PRSS3: variants seen among roughly 807,000 people sequenced by gnomAD.
PRSS3 encodes trypsin-3.
PRSS3 carries 14 observed loss-of-function variants against 20.8 expected under a neutral mutation model. The observed-to-expected ratio is 0.67, with a 90% CI of 0.44 to 1.05. PRSS3 has a LOEUF of 1.05. PRSS3 is among the 50% of genes least tolerant of loss of function. PRSS3 has a pLI of 0.00. For missense variants in PRSS3, 237 were observed against 306.4 expected, an observed-to-expected ratio of 0.77 and a Z score of 1.69; for synonymous variants, 91 against 117.6, an observed-to-expected ratio of 0.77 and a Z score of 1.46.
At chr9:33,781,452 CACTT>C (rs1484114320) in intron 1 of PRSS3, among the ~76,000 whole-genome samples, 1 of 152,180 alleles carries the variant, frequency 6.6e-6, no homozygotes, top group African/African-American at 2.4e-5. Context: ...TACATGTTCT[CACTT>C]ACAAGTGGGA....
intron 1 of PRSS3, among the ~76,000 whole-genome samples, chr9:33,761,176 T>C (rs1012845811): frequency 1.3e-5 from 2 of 152,192 alleles, no homozygotes; most frequent in Non-Finnish European, 2.9e-5. Context: ...CATCCTAGAG[T>C]GTACTTATAC....
chr9:33,772,790 G>C (rs1187636574), intron 1 of PRSS3, among the ~76,000 whole-genome samples: 3 of 152,186 alleles, frequency 2.0e-5, no homozygotes, highest in Non-Finnish European at 2.9e-5. Flanking sequence ...TATATATTTT[G>C]TGTCTGCCGC....
intron 1 of PRSS3, among the ~76,000 whole-genome samples, chr9:33,776,389 A>T (rs941005979): frequency 7.2e-5 from 11 of 152,204 alleles, no homozygotes; most frequent in African/African-American, 2.2e-4. Flanking sequence ...AGATTTTTTT[A>T]AAAAAAGCTC....
intron 1 of PRSS3, among the ~76,000 whole-genome samples, chr9:33,755,576 A>G (rs889877192): frequency 6.6e-6 from 1 of 152,118 alleles, no homozygotes; most frequent in African/African-American, 2.4e-5. Flanking sequence ...TTATATCCTA[A>G]ATTTTTGATA....
At chr9:33,786,420 G>A (rs1160837308) in intron 1 of PRSS3, 1 of 676,602 alleles carries the variant, frequency 1.5e-6, no homozygotes, top group Non-Finnish European at 2.6e-6. Flanking sequence ...AAAGGAGGCA[G>A]TGCCCTGGGG....
upstream of PRSS3, among the ~76,000 whole-genome samples, chr9:33,791,521 A>G (rs1453441844): frequency 6.6e-6 from 1 of 152,248 alleles, no homozygotes; most frequent in Admixed American, 6.5e-5. Flanking sequence ...AGCTAGTATA[A>G]TTTAGAAAAA....
rs939468072 is a variant in PRSS3 at position 33,780,926 on chromosome 9, G to A, written c.-52-13820G>A. On this transcript the variant is annotated intron_variant, in intron 1 of 5. Transcript: ENST00000342836. ...TATGAAAAGATTTAGACAACCAGACGATAATAGTGGGAAATTTCAACACTC... is the reference window on the plus strand; with the variant it reads ...TATGAAAAGATTTAGACAACCAGACAATAATAGTGGGAAATTTCAACACTC... Among the ~76,000 whole-genome samples, 4 of 152,100 alleles carry A rather than the reference G, an allele frequency of 2.6e-5. No individual in the cohort carries two copies. In the South Asian group the frequency reaches 8.3e-4, roughly 31 times the overall value.
chr9:33,776,550 G>T (rs1823941289), intron 1 of PRSS3, among the ~76,000 whole-genome samples: 1 of 152,128 alleles, frequency 6.6e-6, no homozygotes, highest in Non-Finnish European at 1.5e-5. Flanking sequence ...CAATGGAACA[G>T]AATTGAAATC....
intron 1 of PRSS3, among the ~76,000 whole-genome samples, chr9:33,761,272 GA>G (rs747089997): frequency 5.3e-5 from 8 of 152,348 alleles, no homozygotes; most frequent in Admixed American, 2.0e-4. Flanking sequence ...AGCAGATGCT[GA>G]AGGGAGTCTG....
intron 1 of PRSS3, among the ~76,000 whole-genome samples, chr9:33,789,869 C>A (rs1298090571): frequency 6.6e-6 from 1 of 152,158 alleles, no homozygotes; most frequent in Non-Finnish European, 1.5e-5. Context: ...TCTTCTTTAA[C>A]ACTAGGTGTA....
intron 1 of PRSS3, among the ~76,000 whole-genome samples, chr9:33,753,261 C>G (rs1479112633): frequency 6.6e-6 from 1 of 152,172 alleles, no homozygotes; most frequent in African/African-American, 2.4e-5. Context: ...TATTTCATGT[C>G]CATCTTTGTT....
At chr9:33,787,873 C>T (rs3843935) in intron 1 of PRSS3, among the ~76,000 whole-genome samples, 57,658 of 151,986 alleles carry the variant, frequency 0.38, 11,032 homozygotes, top group Middle Eastern at 0.48. Flanking sequence ...ACAAATTACA[C>T]GAAGAGTGTT....
chr9:33,795,291 G>A (rs1048272558), upstream of PRSS3, among the ~76,000 whole-genome samples: 2 of 151,744 alleles, frequency 1.3e-5, no homozygotes, highest in East Asian at 1.9e-4. Flanking sequence ...TGTGTGATCC[G>A]GGGATTGGTT....
At chr9:33,791,140 T>C (rs1367687330), upstream of PRSS3, among the ~76,000 whole-genome samples, 1 of 152,242 alleles carries the variant, frequency 6.6e-6, no homozygotes, top group African/African-American at 2.4e-5. Flanking sequence ...TAACAAGCTT[T>C]GTATTTGAAT....
chr9:33,759,665 A>G (rs984790438), intron 1 of PRSS3, among the ~76,000 whole-genome samples: 6 of 152,150 alleles, frequency 3.9e-5, no homozygotes, highest in African/African-American at 1.4e-4. Flanking sequence ...AAACATCTGT[A>G]TGTTTATGTG....
upstream of PRSS3, among the ~76,000 whole-genome samples, chr9:33,793,074 A>G (rs537836675): frequency 2.4e-4 from 36 of 152,386 alleles, no homozygotes; most frequent in Admixed American, 2.0e-3. Context: ...TTTTGAAGAA[A>G]GCTGACCTCA....
At chr9:33,797,760 C>T in intron 2 of PRSS3, 69 bp from the exon 3 acceptor site, 1 of 1,613,760 alleles carries the variant, frequency 6.2e-7, no homozygotes, top group Admixed American at 1.7e-5. Context: ...GCTTGAGGAC[C>T]CTGGGGAAGG....
chr9:33,776,976 T>C (rs905916125), intron 1 of PRSS3, among the ~76,000 whole-genome samples: 1 of 152,114 alleles, frequency 6.6e-6, no homozygotes, highest in Non-Finnish European at 1.5e-5. Context: ...AAATAATCTG[T>C]AGAAAACCTA....
chr9:33,767,689 G>A (rs1823497303), intron 1 of PRSS3, among the ~76,000 whole-genome samples: 1 of 152,174 alleles, frequency 6.6e-6, no homozygotes, highest in South Asian at 2.1e-4. Context: ...GCCAGGCGTG[G>A]TTGCAGACAC....
Sources: gnomAD v4.1 joint callset for allele counts (sites outside exome capture counted in the v4.1 genomes callset) on GRCh38, gnomAD v4.1.1 for gene constraint, MANE v1.5 for transcripts, NCBI Gene and HGNC (gene_info 2026-07-23, HGNC 2026-07-21) for gene names.